The following CHCHD3 variants were observed in gnomAD, a reference collection of about 807,000 sequenced individuals.
The protein encoded by CHCHD3 is coiled-coil-helix-coiled-coil-helix domain containing 3, also known as MICOS complex subunit MIC19.
Under a neutral mutation model 38.2 loss-of-function variants are expected in CHCHD3, and 20 were observed. The ratio of observed to expected loss-of-function variants is 0.52; its 90% CI spans 0.37 to 0.76. The LOEUF is 0.76. Among genes scored for constraint, CHCHD3 ranks in the 30% least tolerant of loss-of-function variants. CHCHD3 has a pLI of 0.00. For synonymous variants in CHCHD3, 82 were observed against 100.0 expected, an observed-to-expected ratio of 0.82 and a Z score of 1.07; for missense variants, 245 against 279.2, an observed-to-expected ratio of 0.88 and a Z score of 0.87.
chr7:132,891,008 T>C (rs1809346435), intron 4 of CHCHD3, among the ~76,000 whole-genome samples: 1 of 152,138 alleles, frequency 6.6e-6, no homozygotes, highest in Non-Finnish European at 1.5e-5. Context: ...TATGCTGACA[T>C]AAAACAGAAA....
chr7:132,927,317 C>T (rs1056691868), intron 4 of CHCHD3, among the ~76,000 whole-genome samples: 1 of 152,224 alleles, frequency 6.6e-6, no homozygotes, highest in African/African-American at 2.4e-5. Context: ...TTTGAATATA[C>T]ACACCAAGTC....
chr7:132,791,441 G>C (rs1393194101), intron 7 of CHCHD3, among the ~76,000 whole-genome samples: 4 of 152,150 alleles, frequency 2.6e-5, no homozygotes, highest in Admixed American at 1.3e-4. Flanking sequence ...GGTCCTTTTA[G>C]CTCCAACAGC....
chr7:132,971,449 G>A (rs1352377840), intron 4 of CHCHD3, among the ~76,000 whole-genome samples: 1 of 152,110 alleles, frequency 6.6e-6, no homozygotes, highest in Non-Finnish European at 1.5e-5. Context: ...CTTCCAAAGG[G>A]GAAAGTTTTG....
intron 6 of CHCHD3, among the ~76,000 whole-genome samples, chr7:132,819,495 G>A (rs1194077750): frequency 6.6e-6 from 1 of 151,980 alleles, no homozygotes; most frequent in Non-Finnish European, 1.5e-5. Context: ...CATTTTATAA[G>A]AGTTCAATTT....
At chr7:133,063,839 C>T (rs1814591414) in intron 2 of CHCHD3, among the ~76,000 whole-genome samples, 1 of 152,060 alleles carries the variant, frequency 6.6e-6, no homozygotes, top group Non-Finnish European at 1.5e-5. Flanking sequence ...TTCAACCTAC[C>T]CACCCATGAG....
rs1811429598 is a variant in CHCHD3 at position 132,965,170 on chromosome 7, C to T, written c.369+9999G>A. Among the ~76,000 whole-genome samples, 2 of 151,926 alleles carry T rather than the reference C, an allele frequency of 1.3e-5. 1 individual carries two copies. The highest frequency in any genetic ancestry group is 4.1e-4 in the South Asian group (2 of 4,820). On this transcript the variant is annotated intron_variant, in intron 4 of 7. Coordinates refer to ENST00000262570, the MANE Select transcript of CHCHD3 (RefSeq NM_017812.4). ...GCTGCAGTAATTTCTGCTTTGACCACGTGCCTAAAAGTCCATTTCCCTTTC... is the reference window on the plus strand; with the variant it reads ...GCTGCAGTAATTTCTGCTTTGACCATGTGCCTAAAAGTCCATTTCCCTTTC...
intron 2 of CHCHD3, chr7:133,034,809 A>G: frequency 6.2e-7 from 1 of 1,612,354 alleles, no homozygotes; most frequent in South Asian, 1.1e-5. Flanking sequence ...GACTCCAGAA[A>G]TGGAGCTGCT....
intron 5 of CHCHD3, among the ~76,000 whole-genome samples, chr7:132,860,316 A>AGAAAGAG (rs1554377218): frequency 5.2e-5 from 7 of 134,618 alleles, no homozygotes; most frequent in African/African-American, 1.1e-4. Context: ...GAGAGAGAGA[A>AGAAAGAG]AGAGAGAGAG....
intron 1 of CHCHD3, among the ~76,000 whole-genome samples, chr7:133,071,700 C>T (rs1814822875): frequency 6.6e-6 from 1 of 152,184 alleles, no homozygotes; most frequent in South Asian, 2.1e-4. Flanking sequence ...GAAACAAACA[C>T]ATGTCTATCT....
chr7:133,030,761 C>T (rs564472618), intron 2 of CHCHD3, among the ~76,000 whole-genome samples: 1 of 152,238 alleles, frequency 6.6e-6, no homozygotes, highest in South Asian at 2.1e-4. Context: ...GTGAATGTAT[C>T]TTAAAGAACA....
intron 7 of CHCHD3, among the ~76,000 whole-genome samples, chr7:132,787,944 C>T (rs1806366326): frequency 6.6e-6 from 1 of 152,120 alleles, no homozygotes; most frequent in Non-Finnish European, 1.5e-5. Context: ...GAAGATTGCT[C>T]AGCAGAGAGT....
chr7:132,847,750 C>T (rs1014330118), intron 5 of CHCHD3, among the ~76,000 whole-genome samples: 3 of 152,148 alleles, frequency 2.0e-5, no homozygotes, highest in East Asian at 1.9e-4. Context: ...ACACAGTATT[C>T]GTGCAATATT....
At chr7:132,952,072 G>A (rs1470934013) in intron 4 of CHCHD3, among the ~76,000 whole-genome samples, 1 of 152,212 alleles carries the variant, frequency 6.6e-6, no homozygotes, top group Non-Finnish European at 1.5e-5. Flanking sequence ...CAATGTGGAG[G>A]AAGCTTGAAA....
chr7:132,985,890 C>T (rs967526156), intron 3 of CHCHD3, among the ~76,000 whole-genome samples: 1 of 120,488 alleles, frequency 8.3e-6, no homozygotes, highest in Non-Finnish European at 1.8e-5. Context: ...GCCACCACCC[C>T]GTCTGGGAGG....
intron 3 of CHCHD3, among the ~76,000 whole-genome samples, chr7:132,990,984 CCT>C: frequency 2.4e-5 from 2 of 84,368 alleles, no homozygotes; most frequent in Non-Finnish European, 4.9e-5. Flanking sequence ...ACACACACAA[CCT>C]AACTCATTCT....
intron 6 of CHCHD3, among the ~76,000 whole-genome samples, chr7:132,821,510 C>A (rs1226166679): frequency 1.3e-5 from 2 of 151,994 alleles, no homozygotes; most frequent in East Asian, 3.9e-4. Context: ...TCCTAATAAA[C>A]TTAAAAAGAA....
At chr7:132,885,789 C>A in intron 4 of CHCHD3, 44 bp from the exon 5 acceptor site, 1 of 1,400,360 alleles carries the variant, frequency 7.1e-7, no homozygotes, top group Non-Finnish European at 9.7e-7. Context: ...GAAAAAGCAG[C>A]AACAGCAAAG....
intron 4 of CHCHD3, among the ~76,000 whole-genome samples, chr7:132,921,963 C>T (rs972083616): frequency 6.6e-6 from 1 of 152,186 alleles, no homozygotes; most frequent in African/African-American, 2.4e-5. Context: ...CAAATGACTA[C>T]CCAAGGATTC....
At chr7:132,859,823 G>A (rs576059505) in intron 5 of CHCHD3, among the ~76,000 whole-genome samples, 20 of 152,204 alleles carry the variant, frequency 1.3e-4, no homozygotes, top group East Asian at 5.8e-4. Context: ...GTCTCTTAGC[G>A]AAGCTCTTCC....
Sources: gnomAD v4.1 joint callset for allele counts (sites outside exome capture counted in the v4.1 genomes callset) on GRCh38, gnomAD v4.1.1 for gene constraint, MANE v1.5 for transcripts, NCBI Gene and HGNC (gene_info 2026-07-23, HGNC 2026-07-21) for gene names.